DLGAP1: variants seen among roughly 807,000 people sequenced by gnomAD.
The protein encoded by DLGAP1 is disks large-associated protein 1.
DLGAP1 carries 11 observed loss-of-function variants against 90.8 expected under a neutral mutation model. The observed-to-expected ratio is 0.12, with a 90% CI of 0.08 to 0.20. The LOEUF (loss-of-function observed/expected upper bound fraction) is 0.20, where lower values mean the gene tolerates loss of function less well. Among genes scored for constraint, DLGAP1 ranks in the 10% least tolerant of loss-of-function variants. The pLI, the probability that DLGAP1 is intolerant of heterozygous loss-of-function variation, is 1.00. For synonymous variants in DLGAP1, 558 were observed against 540.7 expected, an observed-to-expected ratio of 1.03 and a Z score of -0.44; for missense variants, 1,050 against 1,333.8, an observed-to-expected ratio of 0.79 and a Z score of 3.31.
chr18:4,371,576 C>A (rs978274401), intron 1 of DLGAP1, among the ~76,000 whole-genome samples: 2 of 152,160 alleles, frequency 1.3e-5, no homozygotes, highest in African/African-American at 2.4e-5. Context: ...TTTTTGGTCA[C>A]CCTTATAACT....
At chr18:4,020,582 A>G (rs2074592791) in intron 2 of DLGAP1, among the ~76,000 whole-genome samples, 1 of 152,174 alleles carries the variant, frequency 6.6e-6, no homozygotes, top group South Asian at 2.1e-4. Context: ...AACTGAGGAA[A>G]TTATGACAGT....
At chr18:3,511,764 C>T (rs1448162088) in intron 10 of DLGAP1, among the ~76,000 whole-genome samples, 1 of 152,178 alleles carries the variant, frequency 6.6e-6, no homozygotes, top group Non-Finnish European at 1.5e-5. Context: ...TCTCTCACTC[C>T]TATGAAATGA....
chr18:3,885,223 T>A (rs1015831077), intron 3 of DLGAP1: 1 of 152,224 alleles, frequency 6.6e-6, no homozygotes, highest in African/African-American at 2.4e-5. Context: ...TCACTTCTTT[T>A]TTCCCCCCTC....
Position 3,568,908 on chromosome 18 carries a change from G to C in DLGAP1, c.1966-1327C>G, listed in dbSNP as rs1056416173. ...TCACTGTGTTAGCCAGGATGGTCTC[G>C]ATCTCCTGACCTCGTGATCCGCCCG... is the stretch of plus-strand genomic sequence containing the variant. On this transcript the variant is annotated intron_variant, in intron 8 of 12. Transcript: ENST00000315677. 1.3e-4 allele frequency among the ~76,000 whole-genome samples: 20 copies of C among 151,646 alleles called. No homozygotes were observed. The South Asian group carries it at 1.5e-3, about 11-fold the overall frequency.
intron 5 of DLGAP1, among the ~76,000 whole-genome samples, chr18:3,798,679 G>A (rs1320548719): frequency 2.0e-5 from 3 of 152,048 alleles, no homozygotes; most frequent in Non-Finnish European, 4.4e-5. Context: ...ATGTATTTTT[G>A]AGTAACATTT....
chr18:3,859,583 G>A (rs1350431146), intron 4 of DLGAP1, among the ~76,000 whole-genome samples: 1 of 152,154 alleles, frequency 6.6e-6, no homozygotes, highest in Non-Finnish European at 1.5e-5. Flanking sequence ...CAGAGCGAGA[G>A]TTGTGGCCAC....
intron 4 of DLGAP1, chr18:3,874,669 A>C (rs1182722437): frequency 6.5e-7 from 1 of 1,535,638 alleles, no homozygotes. Context: ...ACCACATCTC[A>C]ACTGAGAATT....
chr18:4,164,009 G>A (rs2076891366), intron 1 of DLGAP1, among the ~76,000 whole-genome samples: 1 of 152,144 alleles, frequency 6.6e-6, no homozygotes, highest in African/African-American at 2.4e-5. Context: ...GCTCACTCAT[G>A]TAGTACTAGC....
chr18:4,407,300 T>G (rs2144579826), intron 1 of DLGAP1, among the ~76,000 whole-genome samples: 1 of 152,298 alleles, frequency 6.6e-6, no homozygotes, highest in African/African-American at 2.4e-5. Context: ...GCTGCCCAAG[T>G]TTTTCCCTTT....
At chr18:4,176,881 C>T (rs576983089) in intron 1 of DLGAP1, among the ~76,000 whole-genome samples, 10 of 152,206 alleles carry the variant, frequency 6.6e-5, no homozygotes, top group Admixed American at 2.0e-4. Flanking sequence ...CAGAGGTGCC[C>T]GTCAGGATCC....
intron 3 of DLGAP1, among the ~76,000 whole-genome samples, chr18:3,908,685 C>G (rs2071966836): frequency 6.6e-6 from 1 of 152,164 alleles, no homozygotes; most frequent in Admixed American, 6.5e-5. Flanking sequence ...CACAAATATA[C>G]TTTTTCTCCA....
chr18:4,173,306 T>C (rs929667459), intron 1 of DLGAP1, among the ~76,000 whole-genome samples: 5 of 152,170 alleles, frequency 3.3e-5, no homozygotes, highest in African/African-American at 9.6e-5. Flanking sequence ...ATATAGACTT[T>C]CTTTACTATT....
chr18:3,551,211 A>G (rs2053398959), intron 9 of DLGAP1, among the ~76,000 whole-genome samples: 1 of 151,290 alleles, frequency 6.6e-6, no homozygotes, highest in Non-Finnish European at 1.5e-5. Context: ...TCTGAAATTT[A>G]TCTTCCAAGT....
intron 2 of DLGAP1, among the ~76,000 whole-genome samples, chr18:4,146,514 G>A (rs2076587594): frequency 6.6e-6 from 1 of 152,122 alleles, no homozygotes; most frequent in Non-Finnish European, 1.5e-5. Context: ...GCACTAGAAT[G>A]GATTCCAGGG....
At chr18:3,675,127 A>C (rs1362688473) in intron 7 of DLGAP1, among the ~76,000 whole-genome samples, 3 of 152,146 alleles carry the variant, frequency 2.0e-5, no homozygotes, top group African/African-American at 4.8e-5. Flanking sequence ...GGTGGAGTGC[A>C]GTGGTGCGAT....
intron 5 of DLGAP1, among the ~76,000 whole-genome samples, chr18:3,772,175 T>TCCTTTCTTTCTCTCCTTCCTTCCTTTCTC (rs1398834038): frequency 1.3e-5 from 2 of 148,990 alleles, no homozygotes; most frequent in Non-Finnish European, 3.0e-5. Flanking sequence ...TCTCCTTCCT[T>TCCTTTCTTTCTCTCCTTCCTTCCTTTCTC]TCTCTCCTTC....
chr18:4,437,190 C>CA lies in DLGAP1; in HGVS notation c.-267+17815dup, dbSNP rs1393300255. ...GAATATTGGCTGACTGAAACATTGA[C>CA]AGAGATTTTTAATGCAACTTTAGAG... On this transcript the variant is annotated intron_variant, in intron 1 of 12. Coordinates refer to ENST00000315677, the MANE Select transcript of DLGAP1 (RefSeq NM_004746.4). Among the ~76,000 whole-genome samples, 9 of 152,240 alleles carry CA rather than the reference C, an allele frequency of 5.9e-5. No individual in the cohort carries two copies. The East Asian group carries it at 1.7e-3, about 29-fold the overall frequency.
intron 10 of DLGAP1, among the ~76,000 whole-genome samples, chr18:3,524,276 A>G (rs769092793): frequency 3.9e-5 from 6 of 152,022 alleles, no homozygotes; most frequent in African/African-American, 7.2e-5. Context: ...CCTTGTTTCA[A>G]TTAAAAAAAA....
intron 3 of DLGAP1, among the ~76,000 whole-genome samples, chr18:3,908,068 T>C (rs2071950308): frequency 6.6e-6 from 1 of 152,200 alleles, no homozygotes; most frequent in Non-Finnish European, 1.5e-5. Context: ...CTGCTATACC[T>C]GCACTGAAAA....
Sources: gnomAD v4.1 joint callset for allele counts (sites outside exome capture counted in the v4.1 genomes callset) on GRCh38, gnomAD v4.1.1 for gene constraint, MANE v1.5 for transcripts, NCBI Gene and HGNC (gene_info 2026-07-23, HGNC 2026-07-21) for gene names.